Variants in IGF2BP3 observed in about 807,000 individuals in gnomAD.
IGF2BP3 encodes the protein insulin-like growth factor 2 mRNA-binding protein 3.
Under a neutral mutation model 73.8 loss-of-function variants are expected in IGF2BP3, and 9 were observed. That is an observed-to-expected ratio of 0.12 (90% CI 0.07 to 0.21). The LOEUF (loss-of-function observed/expected upper bound fraction) is 0.21, where lower values mean the gene tolerates loss of function less well. IGF2BP3 is among the 10% of genes least tolerant of loss of function. The pLI is 1.00. For missense variants in IGF2BP3, 542 were observed against 714.0 expected, an observed-to-expected ratio of 0.76 and a Z score of 2.75; for synonymous variants, 258 against 256.7, an observed-to-expected ratio of 1.01 and a Z score of -0.05.
intron 3 of IGF2BP3, among the ~76,000 whole-genome samples, chr7:23,371,981 G>C (rs1348056977): frequency 1.3e-5 from 2 of 152,076 alleles, no homozygotes; most frequent in African/African-American, 2.4e-5. Flanking sequence ...TTTCTCTTTG[G>C]CAATGCTGAG....
At chr7:23,415,790 G>A (rs1407777783) in intron 3 of IGF2BP3, among the ~76,000 whole-genome samples, 1 of 152,170 alleles carries the variant, frequency 6.6e-6, no homozygotes, top group Non-Finnish European at 1.5e-5. Flanking sequence ...CAACCCTCAG[G>A]CCGTGGCTGC....
chr7:23,320,065 C>A (rs10950941), intron 10 of IGF2BP3, among the ~76,000 whole-genome samples: 5,886 of 151,924 alleles, frequency 0.039, 366 homozygotes, highest in African/African-American at 0.13. Context: ...CACTTGTCAC[C>A]ACACCCGGCT....
chr7:23,378,339 C>T (rs1785792228), intron 3 of IGF2BP3, among the ~76,000 whole-genome samples: 2 of 145,118 alleles, frequency 1.4e-5, no homozygotes, highest in East Asian at 4.0e-4. Flanking sequence ...CTGAATTACA[C>T]TGGCCTTTAG....
chr7:23,342,484 C>G (rs761626074), intron 9 of IGF2BP3, among the ~76,000 whole-genome samples: 1 of 152,152 alleles, frequency 6.6e-6, no homozygotes, highest in Non-Finnish European at 1.5e-5. Flanking sequence ...TAGACAAAAC[C>G]GTATTCTGCA....
chr7:23,434,022 G>A (rs1195841006), intron 2 of IGF2BP3, among the ~76,000 whole-genome samples: 2 of 150,720 alleles, frequency 1.3e-5, no homozygotes, highest in African/African-American at 4.9e-5. Context: ...AGGTTACAGT[G>A]AGACAAGATT....
intron 2 of IGF2BP3, 89 bp from the exon 3 acceptor site, chr7:23,418,913 A>G (rs1787268330): frequency 1.2e-6 from 1 of 801,952 alleles, no homozygotes; most frequent in East Asian, 2.7e-5. Context: ...ACTACTTAAA[A>G]TATTAACTCT....
intron 12 of IGF2BP3, among the ~76,000 whole-genome samples, chr7:23,316,674 CA>C (rs1271667588): frequency 6.3e-3 from 317 of 50,144 alleles, no homozygotes; most frequent in African/African-American, 0.015. Flanking sequence ...GACTCTGTCT[CA>C]AAAAAAAAAA....
intron 3 of IGF2BP3, among the ~76,000 whole-genome samples, chr7:23,375,629 C>G (rs935974410): frequency 2.0e-4 from 31 of 152,146 alleles, no homozygotes; most frequent in African/African-American, 7.2e-4. Context: ...CTGATTACAA[C>G]TCCAAACATA....
At chr7:23,433,846 G>A (rs1167905162) in intron 2 of IGF2BP3, among the ~76,000 whole-genome samples, 4 of 152,076 alleles carry the variant, frequency 2.6e-5, no homozygotes, top group Admixed American at 6.5e-5. Flanking sequence ...AGGCCGAGGC[G>A]GGAGGATCAT....
intron 3 of IGF2BP3, among the ~76,000 whole-genome samples, chr7:23,384,974 A>G (rs1188235182): frequency 1.3e-5 from 2 of 152,206 alleles, no homozygotes; most frequent in Non-Finnish European, 2.9e-5. Context: ...TTTTCAACTT[A>G]TAATGGGATT....
intron 3 of IGF2BP3, among the ~76,000 whole-genome samples, chr7:23,391,932 A>G (rs898120723): frequency 2.0e-5 from 3 of 152,244 alleles, no homozygotes; most frequent in Non-Finnish European, 2.9e-5. Flanking sequence ...TCAAGAAACA[A>G]TAAGTAAATT....
chr7:23,320,947 CAA>C lies in IGF2BP3; in HGVS notation c.1204-1695_1204-1694del, dbSNP rs70966008. 8.9e-3 allele frequency among the ~76,000 whole-genome samples: 860 copies of C among 96,400 alleles called. 2 individuals are homozygous for C. The highest frequency in any genetic ancestry group is 0.04 in the African/African-American group (800 of 19,996). The allele number at this position is 96,400 out of a possible 152,430, so 63.2% of individuals were successfully genotyped here. A position where few individuals can be genotyped will look rare whatever the true frequency, so the allele number is the denominator to read the frequency against. On this transcript the variant is annotated intron_variant, in intron 10 of 14. Transcript: ENST00000258729. ...CCTGGGTGAGAGTGAAACTCTGTCT[CAA>C]AAAAAAAAAAAAAAAAAAAAGAAAA... is the stretch of plus-strand genomic sequence containing the variant.
intron 2 of IGF2BP3, among the ~76,000 whole-genome samples, chr7:23,463,380 C>T (rs1387200123): frequency 6.6e-6 from 1 of 152,136 alleles, no homozygotes. Flanking sequence ...GATCATTTCC[C>T]CCTTGCTAAC....
intron 2 of IGF2BP3, among the ~76,000 whole-genome samples, chr7:23,461,757 A>G (rs552602139): frequency 9.9e-5 from 15 of 151,928 alleles, no homozygotes; most frequent in African/African-American, 2.4e-5. Flanking sequence ...CCACTACTCC[A>G]CCCTTCCTTC....
At chr7:23,326,958 C>T (rs1349212370) in intron 10 of IGF2BP3, among the ~76,000 whole-genome samples, 1 of 148,488 alleles carries the variant, frequency 6.7e-6, no homozygotes, top group Non-Finnish European at 1.5e-5. Flanking sequence ...GGGAGATATA[C>T]CTAATGCTAG....
At chr7:23,449,144 C>A (rs1377706866) in intron 2 of IGF2BP3, among the ~76,000 whole-genome samples, 1 of 151,478 alleles carries the variant, frequency 6.6e-6, no homozygotes, top group East Asian at 1.9e-4. Context: ...AAACTGACTT[C>A]CCTATCAAGG....
chr7:23,333,486 C>T (rs139457586), intron 10 of IGF2BP3, among the ~76,000 whole-genome samples: 146 of 152,236 alleles, frequency 9.6e-4, no homozygotes, highest in Non-Finnish European at 1.7e-3. Flanking sequence ...GAAGGGCTGT[C>T]CATGTTCTTG....
chr7:23,339,531 C>A (rs1457697551), intron 10 of IGF2BP3, among the ~76,000 whole-genome samples: 1 of 152,138 alleles, frequency 6.6e-6, no homozygotes, highest in Non-Finnish European at 1.5e-5. Context: ...ACTGAAGCAT[C>A]CATGTAAGTG....
At chr7:23,430,565 T>C (rs1407730312) in intron 2 of IGF2BP3, among the ~76,000 whole-genome samples, 2 of 152,232 alleles carry the variant, frequency 1.3e-5, no homozygotes, top group African/African-American at 4.8e-5. Flanking sequence ...GAGGACTTCA[T>C]TCAGCCTGGC....
Sources: allele counts gnomAD v4.1 joint callset (sites outside exome capture counted in the v4.1 genomes callset), GRCh38; gene constraint gnomAD v4.1.1; transcripts MANE v1.5; gene names NCBI Gene and HGNC (gene_info 2026-07-23, HGNC 2026-07-21).